Variants in RIMS2 observed in about 807,000 individuals in gnomAD.
RIMS2 encodes regulating synaptic membrane exocytosis 2, also known as regulating synaptic membrane exocytosis protein 2.
A neutral mutation model predicts 174.4 loss-of-function variants in RIMS2; 59 were observed. The observed-to-expected ratio is 0.34, with a 90% confidence interval of 0.27 to 0.42. The LOEUF (loss-of-function observed/expected upper bound fraction) is 0.42. Ranked by LOEUF, RIMS2 falls within the 10% of genes least tolerant of loss-of-function variation. The pLI is 1.00. For missense variants in RIMS2, 1,620 were observed against 1,666.3 expected, an observed-to-expected ratio of 0.97 and a Z score of 0.48; for synonymous variants, 606 against 572.5, an observed-to-expected ratio of 1.06 and a Z score of -0.84.
chr8:103,885,275 G>A (rs1315995389), intron 3 of RIMS2, 23 bp from the exon 7 acceptor site: 2 of 1,538,894 alleles, frequency 1.3e-6, no homozygotes, highest in African/African-American at 1.4e-5. Context: ...TCTTCTCATT[G>A]TTCTTTTCCT....
At chr8:103,599,855 G>T (rs1027175489) in intron 1 of RIMS2, among the ~76,000 whole-genome samples, 1 of 152,014 alleles carries the variant, frequency 6.6e-6, no homozygotes. Flanking sequence ...TGGAAAATAG[G>T]TATCTGTTCC....
chr8:103,592,853 AC>A (rs2094324473), intron 1 of RIMS2, among the ~76,000 whole-genome samples: 1 of 151,362 alleles, frequency 6.6e-6, no homozygotes, highest in Non-Finnish European at 1.5e-5. Context: ...TTAAGTCTTG[AC>A]CTTTGAGTAC....
At chr8:103,720,899 G>A (rs1348480850) in intron 2 of RIMS2, among the ~76,000 whole-genome samples, 1 of 152,204 alleles carries the variant, frequency 6.6e-6, no homozygotes, top group Non-Finnish European at 1.5e-5. Context: ...TGCATATTTA[G>A]AATAAATGCA....
At position 103,743,386 on chromosome 8, in the gene RIMS2, G is replaced by A. The variant is rs906738849; in HGVS notation, c.388-22841G>A. 2.0e-5 allele frequency among the ~76,000 whole-genome samples: 3 copies of A among 152,104 alleles called. No individual in the cohort carries two copies. In the East Asian group the frequency reaches 5.8e-4, roughly 29 times the overall value. On this transcript the variant is annotated intron_variant, in intron 2 of 23. Coordinates refer to ENST00000504942, the Ensembl canonical transcript of RIMS2. The stretch of plus-strand genomic sequence containing the variant: ...TGCCGGATAAATTTGTTTATCTGCA[G>A]TTTCTATTCCATTGAGTTAACAGTG...
intron 12 of RIMS2, among the ~76,000 whole-genome samples, chr8:103,934,888 G>A (rs1053816981): frequency 6.6e-6 from 1 of 151,878 alleles, no homozygotes; most frequent in East Asian, 1.9e-4. Flanking sequence ...TGGTAGAGAC[G>A]GGGTTTCACC....
chr8:103,551,365 T>C (rs573520377), intron 1 of RIMS2, among the ~76,000 whole-genome samples: 61 of 152,258 alleles, frequency 4.0e-4, no homozygotes, highest in Admixed American at 1.2e-3. Context: ...ATTATTTCAA[T>C]AGATGCAGAA....
chr8:104,125,011 G>T (rs1448027723), intron 19 of RIMS2, among the ~76,000 whole-genome samples: 1 of 152,166 alleles, frequency 6.6e-6, no homozygotes, highest in Non-Finnish European at 1.5e-5. Context: ...AGCTGCAGCA[G>T]GAGGCAGTGG....
At chr8:103,687,321 C>T (rs2096953669) in intron 1 of RIMS2, among the ~76,000 whole-genome samples, 1 of 150,500 alleles carries the variant, frequency 6.6e-6, no homozygotes, top group South Asian at 2.1e-4. Context: ...TAATTTGTGT[C>T]TTGTTTTTTT....
At chr8:103,828,288 A>T (rs1421241779) in intron 3 of RIMS2, among the ~76,000 whole-genome samples, 5 of 152,154 alleles carry the variant, frequency 3.3e-5, no homozygotes, top group Non-Finnish European at 7.3e-5. Context: ...TAAATATTTG[A>T]TAGAATTCAC....
At chr8:103,505,466 A>G (rs1823021221) in intron 1 of RIMS2, among the ~76,000 whole-genome samples, 1 of 152,040 alleles carries the variant, frequency 6.6e-6, no homozygotes, top group African/African-American at 2.4e-5. Flanking sequence ...AATATTCTGT[A>G]ATTTCTTTAA....
chr8:103,937,469 C>A (rs375109940), intron 13 of RIMS2, among the ~76,000 whole-genome samples: 1 of 152,078 alleles, frequency 6.6e-6, no homozygotes, highest in African/African-American at 2.4e-5. Flanking sequence ...ATAGACTGAG[C>A]GTTCAAAGGT....
chr8:103,898,182 A>G (rs2099301850), intron 4 of RIMS2, among the ~76,000 whole-genome samples: 1 of 151,662 alleles, frequency 6.6e-6, no homozygotes, highest in Admixed American at 6.6e-5. Flanking sequence ...TAAAGAGTAT[A>G]TGACTAAACA....
rs772490784 is a variant in RIMS2 at position 104,013,617 on chromosome 8, T to C, written c.3220T>C (p.Ser1074Pro). 3 of 1,612,930 alleles carry C rather than the reference T, an allele frequency of 1.9e-6. No homozygotes were observed. In the South Asian group the frequency reaches 3.3e-5, roughly 18 times the overall value. ...ATCTGCCCCTCCTTCACCTGCCTTATCGAGGTGAAAGATAAATCAATCAGA... is the reference window on the plus strand; with the variant it reads ...ATCTGCCCCTCCTTCACCTGCCTTACCGAGGTGAAAGATAAATCAATCAGA... Residue 1074 changes from serine to proline, a missense_variant, in exon 18 of 24, where the codon TCG (serine) becomes CCG (proline). Ser to Pro is a moderately conservative substitution (Grantham distance 74, BLOSUM62 -1). Transcript: ENST00000504942.
At chr8:103,797,072 A>G (rs1246372603) in intron 3 of RIMS2, among the ~76,000 whole-genome samples, 1 of 152,192 alleles carries the variant, frequency 6.6e-6, no homozygotes, top group Non-Finnish European at 1.5e-5. Flanking sequence ...GAAGTGAAGA[A>G]GTAAGACGTG....
intron 19 of RIMS2, among the ~76,000 whole-genome samples, chr8:104,145,222 G>A (rs149485128): frequency 1.3e-5 from 2 of 152,064 alleles, no homozygotes; most frequent in African/African-American, 4.8e-5. Flanking sequence ...AAATTGTAAA[G>A]TTGAAATGCT....
chr8:103,566,364 T>C (rs1471580959), intron 1 of RIMS2, among the ~76,000 whole-genome samples: 2 of 152,146 alleles, frequency 1.3e-5, no homozygotes, highest in Non-Finnish European at 2.9e-5. Context: ...AGAAAAGGGC[T>C]CTCTTTCTCA....
chr8:103,683,284 G>T (rs534227332), intron 1 of RIMS2, among the ~76,000 whole-genome samples: 2 of 152,184 alleles, frequency 1.3e-5, no homozygotes, highest in Admixed American at 1.3e-4. Flanking sequence ...AACTGAACGC[G>T]AGTGGGCAGG....
chr8:104,119,958 T>A (rs1599343527), intron 19 of RIMS2, among the ~76,000 whole-genome samples: 1 of 152,210 alleles, frequency 6.6e-6, no homozygotes, highest in African/African-American at 2.4e-5. Flanking sequence ...TAGACAAATG[T>A]AGGGCACATT....
chr8:103,918,482 A>C, exon 9 of RIMS2: 1 of 1,602,184 alleles, frequency 6.2e-7, no homozygotes, highest in Non-Finnish European at 8.5e-7. Context: ...GCACAACTGG[A>C]GTCCAGTAAG....
Sources: gnomAD v4.1 joint callset for allele counts (sites outside exome capture counted in the v4.1 genomes callset) on GRCh38, gnomAD v4.1.1 for gene constraint, MANE v1.5 for transcripts, NCBI Gene and HGNC (gene_info 2026-07-23, HGNC 2026-07-21) for gene names.